CLCN3: variants seen among roughly 807,000 people sequenced by gnomAD.
CLCN3 encodes the protein Cl-/H+ antiporter 3.
In CLCN3, 16 loss-of-function variants were observed where a neutral mutation model predicts 83.4. The ratio of observed to expected loss-of-function variants is 0.19; its 90% CI spans 0.13 to 0.29. The LOEUF (loss-of-function observed/expected upper bound fraction) is 0.29, where lower values mean the gene tolerates loss of function less well. CLCN3 is among the 10% of genes least tolerant of loss of function. The pLI, the probability that CLCN3 is intolerant of heterozygous loss-of-function variation, is 1.00. For missense variants in CLCN3, 544 were observed against 1,006.0 expected (o/e 0.54, Z 6.21); for synonymous variants, 322 against 346.2 (o/e 0.93, Z 0.78).
At chr4:169,681,047 AT>A (rs1159785055) in intron 3 of CLCN3, among the ~76,000 whole-genome samples, 11 of 149,940 alleles carry the variant, frequency 7.3e-5, no homozygotes, top group Admixed American at 3.3e-4. Context: ...TTAAAAAACA[AT>A]TTTTTTTTTG....
intron 11 of CLCN3, among the ~76,000 whole-genome samples, chr4:169,708,670 G>A (rs1733082278): frequency 6.6e-6 from 1 of 152,056 alleles, no homozygotes; most frequent in Admixed American, 6.6e-5. Context: ...TTTAAAGTGT[G>A]GAAATTAAGA....
chr4:169,670,242 G>C (rs569673087), intron 2 of CLCN3, among the ~76,000 whole-genome samples: 40 of 152,032 alleles, frequency 2.6e-4, no homozygotes, highest in African/African-American at 8.2e-4. Context: ...CATGGTTTTG[G>C]GTTTTACATT....
chr4:169,714,425 A>G (rs1158841488), intron 12 of CLCN3, among the ~76,000 whole-genome samples: 1 of 152,152 alleles, frequency 6.6e-6, no homozygotes, highest in African/African-American at 2.4e-5. Context: ...TTAACTTTGC[A>G]GGACCTCTGC....
chr4:169,622,516 C>G (rs1773134347), intron 1 of CLCN3, among the ~76,000 whole-genome samples: 1 of 152,176 alleles, frequency 6.6e-6, no homozygotes. Flanking sequence ...GTTTGGTAGT[C>G]AAACTTGTCA....
intron 1 of CLCN3, among the ~76,000 whole-genome samples, chr4:169,623,461 T>C (rs1773156196): frequency 6.6e-6 from 1 of 152,220 alleles, no homozygotes. Context: ...TGTAGAAAGG[T>C]TAAATCAAGC....
intron 1 of CLCN3, among the ~76,000 whole-genome samples, chr4:169,624,136 T>A (rs925419324): frequency 6.6e-6 from 1 of 152,160 alleles, no homozygotes. Flanking sequence ...TATGGTATAG[T>A]AGTGACTTTT....
At chr4:169,709,029 AC>A (rs1201499043) in intron 11 of CLCN3, among the ~76,000 whole-genome samples, 5 of 148,386 alleles carry the variant, frequency 3.4e-5, no homozygotes, top group African/African-American at 4.9e-5. Context: ...CTATAAAAAA[AC>A]ATATCTATAT....
intron 10 of CLCN3, among the ~76,000 whole-genome samples, chr4:169,705,467 T>A (rs1732954089): frequency 6.6e-6 from 1 of 152,212 alleles, no homozygotes; most frequent in Admixed American, 6.5e-5. Flanking sequence ...AAGTTCCTTC[T>A]TGAAGTTTTA....
chr4:169,687,697 A>G lies in CLCN3; in HGVS notation c.358A>G (p.Lys120Glu). The change falls in exon 4 of 13, where the codon AAA (lysine) becomes GAA (glutamate). Residue 120 changes from lysine to glutamate, a missense_variant. This residue lies in a region of CLCN3 where 96 missense variants were observed against 202.1 expected (regional missense o/e 0.48). Coordinates refer to ENST00000513761, the MANE Select transcript of CLCN3 (RefSeq NM_001829.4). ...GAAAGAATCAGCATGGGAAATGACA[A>G]AAAGTTTGTATGATGCGTGGTCAGG... ...KKKESAWEMT[K>E]SLYDAWSGWL... 1 of 1,611,682 alleles carries G rather than the reference A, an allele frequency of 6.2e-7. No individual in the cohort carries two copies. The highest frequency in any genetic ancestry group is 8.5e-7 in the Non-Finnish European group (1 of 1,178,838).
intron 10 of CLCN3, among the ~76,000 whole-genome samples, chr4:169,706,490 T>A (rs1732999595): frequency 6.6e-6 from 1 of 152,260 alleles, no homozygotes; most frequent in Non-Finnish European, 1.5e-5. Context: ...AAGCATGATG[T>A]GCTTTACTAA....
intron 2 of CLCN3, among the ~76,000 whole-genome samples, chr4:169,655,602 C>T (rs1409318224): frequency 6.6e-6 from 1 of 152,176 alleles, no homozygotes; most frequent in Non-Finnish European, 1.5e-5. Flanking sequence ...CCAAGTGATC[C>T]TCCTACTTCA....
chr4:169,633,433 A>T (rs1301556681), intron 1 of CLCN3, among the ~76,000 whole-genome samples: 1 of 151,986 alleles, frequency 6.6e-6, no homozygotes, highest in Non-Finnish European at 1.5e-5. Context: ...ACTTTGCATT[A>T]TTTTTTTTAA....
At chr4:169,680,362 A>C in intron 3 of CLCN3, 155 bp downstream of exon 3, 1 of 606,472 alleles carries the variant, frequency 1.6e-6, no homozygotes, top group Non-Finnish European at 2.8e-6. Context: ...TTCTTTTTCT[A>C]TGTTTAATTT....
At chr4:169,674,895 T>G (rs1272153106) in intron 2 of CLCN3, among the ~76,000 whole-genome samples, 1 of 152,004 alleles carries the variant, frequency 6.6e-6, no homozygotes, top group Non-Finnish European at 1.5e-5. Context: ...GGATTACAGG[T>G]GCACACCACC....
intron 2 of CLCN3, among the ~76,000 whole-genome samples, chr4:169,661,921 A>G (rs904245878): frequency 6.6e-6 from 1 of 152,134 alleles, no homozygotes; most frequent in African/African-American, 2.4e-5. Flanking sequence ...ATGTCACATT[A>G]TTTGCTAATC....
In CLCN3 at chr4:169,720,158, C is replaced by A; in HGVS notation, c.*161C>A. On this transcript the variant is annotated 3_prime_UTR_variant, in exon 13 of 13. Transcript: ENST00000513761. ...TTTGCAACATGGTTTGCAAATAATG[C>A]TGGTGGAATGGAGGAGTTGTTTGGG... 1 of 1,029,408 alleles carries A rather than the reference C, an allele frequency of 9.7e-7. No individual in the cohort carries two copies. The highest frequency in any genetic ancestry group is 1.4e-6 in the Non-Finnish European group (1 of 698,522). The allele number at this position is 1,029,408 out of a possible 1,614,324, so 63.8% of individuals were successfully genotyped here. A position where few individuals can be genotyped will look rare whatever the true frequency, so the allele number is the denominator to read the frequency against.
chr4:169,646,590 T>C lies in CLCN3; in HGVS notation c.160+10502T>C, dbSNP rs541471656. On this transcript the variant is annotated intron_variant, in intron 2 of 12. Coordinates refer to ENST00000513761, the MANE Select transcript of CLCN3 (RefSeq NM_001829.4). ...GGATTACAGGCGTGAGCCACAGCAC[T>C]CAGACCTTTTAAATTATCGAACTAA... is the stretch of plus-strand genomic sequence containing the variant. Among the ~76,000 whole-genome samples, 9 of 152,262 alleles carry C rather than the reference T, an allele frequency of 5.9e-5. No homozygotes were observed. In the South Asian group the frequency reaches 1.9e-3, roughly 32 times the overall value.
In CLCN3 at chr4:169,644,268, T is replaced by A. The variant is rs566003178; in HGVS notation, c.160+8180T>A. 3.3e-5 allele frequency among the ~76,000 whole-genome samples: 5 copies of A among 151,362 alleles called. No homozygotes were observed. The East Asian group carries it at 9.7e-4, about 29-fold the overall frequency. ...AAAATATAACAACTGCTTTTTTTTT[T>A]CTTTTTTTTTTTTTTGAGATGGAGT... On this transcript the variant is annotated intron_variant, in intron 2 of 12. Transcript: ENST00000513761.
chr4:169,634,226 T>C (rs1010160057), intron 1 of CLCN3, among the ~76,000 whole-genome samples: 1 of 152,224 alleles, frequency 6.6e-6, no homozygotes, highest in African/African-American at 2.4e-5. Context: ...TAAAAAGGTT[T>C]AATGATTTTA....
Sources: gnomAD v4.1 joint callset for allele counts (sites outside exome capture counted in the v4.1 genomes callset) on GRCh38, gnomAD v4.1.1 for gene constraint, gnomAD v4.1.1 regional missense constraint, MANE v1.5 for transcripts, NCBI Gene and HGNC (gene_info 2026-07-23, HGNC 2026-07-21) for gene names.